Variants in RNF157 observed in about 807,000 individuals in gnomAD.
The protein encoded by RNF157 is E3 ubiquitin ligase RNF157.
RNF157 carries 55 observed loss-of-function variants against 88.3 expected under a neutral mutation model. The ratio of observed to expected loss-of-function variants is 0.62; its 90% CI spans 0.50 to 0.78. The LOEUF (loss-of-function observed/expected upper bound fraction) is 0.78, where lower values mean the gene tolerates loss of function less well. RNF157 is among the 30% of genes least tolerant of loss of function. The probability of loss-of-function intolerance (pLI) is 0.00; values close to 1 mark genes in which losing one functional copy is unlikely to be tolerated. For missense variants in RNF157, 788 were observed against 860.8 expected, an observed-to-expected ratio of 0.92 and a Z score of 1.06; for synonymous variants, 334 against 341.2, an observed-to-expected ratio of 0.98 and a Z score of 0.23.
chr17:76,161,930 T>C lies in RNF157; in HGVS notation c.865A>G (p.Ile289Val). Reference protein sequence around the residue: ...VCLSDVRDTLILPCRHLCLCN... With the variant: ...VCLSDVRDTLVLPCRHLCLCN... Reference sequence around the variant, plus strand: ...AGGCAGAGGTGGCGACAGGGCAGAATCAAGGTGTCCCGGACATCCGAGAGA... The same window carrying C: ...AGGCAGAGGTGGCGACAGGGCAGAACCAAGGTGTCCCGGACATCCGAGAGA... The change falls in exon 10 of 19, where the codon ATT becomes GTT. Residue 289 changes from isoleucine to valine, a missense_variant. Ile to Val is a conservative substitution (Grantham distance 29). Coordinates refer to ENST00000269391, the MANE Select transcript of RNF157 (RefSeq NM_052916.3). This position sits in a 1 kb window ranked among gnomAD's most constrained non-coding sequence, Gnocchi z 4.6. 1 of 1,614,150 alleles carries C rather than the reference T, an allele frequency of 6.2e-7. No homozygotes were observed. The highest frequency in any genetic ancestry group is 1.3e-5 in the African/African-American group (1 of 75,020).
intron 2 of RNF157, among the ~76,000 whole-genome samples, chr17:76,203,260 C>T (rs558566779): frequency 6.6e-6 from 1 of 152,148 alleles, no homozygotes; most frequent in African/African-American, 2.4e-5. Context: ...CAAAATGCTG[C>T]GACTACAGGC....
intron 2 of RNF157, among the ~76,000 whole-genome samples, chr17:76,174,089 C>T (rs575180457): frequency 1.3e-5 from 2 of 152,032 alleles, no homozygotes; most frequent in African/African-American, 4.8e-5. Flanking sequence ...AAAAAAAAAC[C>T]GCTGAAGTTC....
chr17:76,156,184 G>T (rs1382850553), intron 14 of RNF157, 26 bp downstream of exon 14: 7 of 1,556,504 alleles, frequency 4.5e-6, no homozygotes, highest in Non-Finnish European at 6.2e-6. Context: ...GGAAGGACAT[G>T]CAGCCACTCC....
intron 2 of RNF157, among the ~76,000 whole-genome samples, chr17:76,202,274 C>G (rs2144985728): frequency 6.6e-6 from 1 of 152,192 alleles, no homozygotes; most frequent in South Asian, 2.1e-4. Flanking sequence ...TACTCCAAGT[C>G]CAAGGCACAA....
rs149779108 is a variant in RNF157, at chr17:76,151,103, G to A, written c.1921+1252C>T. On this transcript the variant is annotated intron_variant, in intron 18 of 18. Transcript: ENST00000269391. Reference sequence around the variant, plus strand: ...CCAGTCCAGGCCTAACTGGCAGGAGGCTGGCCCCGTGGTCAACGCTCCCTC... The same window carrying A: ...CCAGTCCAGGCCTAACTGGCAGGAGACTGGCCCCGTGGTCAACGCTCCCTC... Among the ~76,000 whole-genome samples the A allele has an allele frequency of 3.9e-3, 589 of 152,354 alleles. 2 individuals are homozygous for A. Among genetic ancestry groups the A allele is most frequent in the Non-Finnish European group, 6.6e-3 (446 of 68,036 alleles).
chr17:76,218,944 AAAAAAAT>A (rs1005967810), intron 1 of RNF157, among the ~76,000 whole-genome samples: 46 of 152,132 alleles, frequency 3.0e-4, no homozygotes, highest in African/African-American at 1.0e-3. Flanking sequence ...AAAAAAATAA[AAAAAAAT>A]AAAAAATAAA....
At position 76,154,280 on chromosome 17, in the gene RNF157, C is replaced by T. The variant is rs1470664393; in HGVS notation, c.1810+3G>A. 7.5e-6 allele frequency: 12 copies of T among 1,604,676 alleles called. No individual in the cohort carries two copies. The highest frequency in any genetic ancestry group is 1.0e-5 in the Non-Finnish European group (12 of 1,171,456). ...GGAAGTAAAGGACCAGATCTTTTAC[C>T]ACCTTCCTGCGTGGGTGATCCATCC... On this transcript the variant is annotated splice_donor_region_variant and intron_variant, in intron 17 of 18. Transcript: ENST00000269391.
In RNF157 at chr17:76,173,746, C is replaced by CA; in HGVS notation, c.251dup (p.Arg85GlufsTer18). On this transcript the variant is annotated frameshift_variant, in exon 3 of 19. Coordinates refer to ENST00000269391, the MANE Select transcript of RNF157 (RefSeq NM_052916.3). LOFTEE classifies it high-confidence loss of function. ...CCTTTCGGATATTGACCAGGCTTCT[C>CA]AGAGTCTTCACGGGTTCTTGGGGAG... 6.2e-7 allele frequency: 1 copy of CA among 1,611,348 alleles called. No individual in the cohort carries two copies. The highest frequency in any genetic ancestry group is 8.5e-7 in the Non-Finnish European group (1 of 1,178,510).
In RNF157 at chr17:76,178,825, C is replaced by CT. The variant is rs373983161; in HGVS notation, c.208-5036dup. 1.1e-3 allele frequency among the ~76,000 whole-genome samples: 170 copies of CT among 149,576 alleles called. No individual in the cohort carries two copies. In the Middle Eastern group the frequency reaches 0.021, roughly 18 times the overall value. ...TAGGGAGCAGAGGTTATTTTTCTCTCTTTTTTTTTTCCAGTAACTAACATG... is the reference window on the plus strand; with the variant it reads ...TAGGGAGCAGAGGTTATTTTTCTCTCTTTTTTTTTTTCCAGTAACTAACATG... On this transcript the variant is annotated intron_variant, in intron 2 of 18. Coordinates refer to ENST00000269391, the MANE Select transcript of RNF157 (RefSeq NM_052916.3).
intron 13 of RNF157, 155 bp from the exon 14 acceptor site, chr17:76,156,476 C>T (rs747065366): frequency 2.1e-5 from 30 of 1,437,830 alleles, no homozygotes; most frequent in Admixed American, 8.4e-5. Flanking sequence ...TTCTCTCTTC[C>T]GTCCTCACTT....
intron 1 of RNF157, among the ~76,000 whole-genome samples, chr17:76,230,053 T>C (rs2070160836): frequency 6.6e-6 from 1 of 152,174 alleles, no homozygotes; most frequent in Non-Finnish European, 1.5e-5. Context: ...ATTCTGAATA[T>C]ATCATGTGAA....
chr17:76,180,232 T>C (rs2069168544), intron 2 of RNF157, among the ~76,000 whole-genome samples: 1 of 152,228 alleles, frequency 6.6e-6, no homozygotes, highest in African/African-American at 2.4e-5. Flanking sequence ...ATGCAGCTTC[T>C]AGAATCCTAT....
chr17:76,201,312 C>A (rs369383458), intron 2 of RNF157, among the ~76,000 whole-genome samples: 1 of 139,126 alleles, frequency 7.2e-6, no homozygotes, highest in African/African-American at 3.0e-5. Flanking sequence ...ATAGTGAGAC[C>A]CTAGTCTCTA....
intron 1 of RNF157, among the ~76,000 whole-genome samples, chr17:76,217,897 T>C (rs1284312194): frequency 6.6e-6 from 1 of 152,240 alleles, no homozygotes; most frequent in Non-Finnish European, 1.5e-5. Flanking sequence ...TCCAAGATTA[T>C]ACGTAAACCG....
intron 8 of RNF157, chr17:76,163,489 C>T (rs56280493): frequency 0.091 from 13,876 of 152,208 alleles, 1,167 homozygotes; most frequent in African/African-American, 0.22. Context: ...GCCATCAAGC[C>T]CGGCCAGCCC....
chr17:76,167,276 T>C (rs1373177133), intron 4 of RNF157, 150 bp from the exon 5 acceptor site: 1 of 679,716 alleles, frequency 1.5e-6, no homozygotes. Flanking sequence ...TTGCTCTTGC[T>C]TGGCAACGTT....
chr17:76,196,441 G>A (rs933068945), intron 2 of RNF157, among the ~76,000 whole-genome samples: 6 of 152,220 alleles, frequency 3.9e-5, no homozygotes, highest in African/African-American at 9.7e-5. Flanking sequence ...TGGCCACAGC[G>A]GAGGGCTCAC....
At chr17:76,226,773 A>G (rs1312866370) in intron 1 of RNF157, 1 of 1,576,296 alleles carries the variant, frequency 6.3e-7, no homozygotes, top group Admixed American at 1.9e-5. Context: ...TCCCCCACCA[A>G]CACCTCGTTG....
chr17:76,173,555 C>T (rs766411234), intron 3 of RNF157, 147 bp downstream of exon 3: 1 of 611,100 alleles, frequency 1.6e-6, no homozygotes, highest in South Asian at 1.9e-5. Flanking sequence ...CAGAAAGTAG[C>T]GCCCGCACTC....
Sources: allele counts gnomAD v4.1 joint callset (sites outside exome capture counted in the v4.1 genomes callset), GRCh38; gene constraint gnomAD v4.1.1; non-coding constraint Gnocchi (gnomAD v3.1); transcripts MANE v1.5; gene names NCBI Gene and HGNC (gene_info 2026-07-23, HGNC 2026-07-21).